NAALADL2: variants seen among roughly 807,000 people sequenced by gnomAD.
The protein encoded by NAALADL2 is N-acetylated alpha-linked acidic dipeptidase like 2.
In NAALADL2, 76 loss-of-function variants were observed where a neutral mutation model predicts 87.2. The observed-to-expected ratio is 0.87, with a 90% CI of 0.72 to 1.05. The LOEUF (loss-of-function observed/expected upper bound fraction) is 1.05. Ranked by LOEUF, NAALADL2 falls within the 50% of genes least tolerant of loss-of-function variation. The probability of loss-of-function intolerance (pLI) is 0.00; values close to 1 mark genes in which losing one functional copy is unlikely to be tolerated. For missense variants in NAALADL2, 1,089 were observed against 945.8 expected (o/e 1.15, Z -1.99); for synonymous variants, 354 against 331.0 (o/e 1.07, Z -0.75).
chr3:175,480,701 C>T (rs1156751290), intron 9 of NAALADL2, among the ~76,000 whole-genome samples: 2 of 151,738 alleles, frequency 1.3e-5, no homozygotes, highest in Non-Finnish European at 3.0e-5. Context: ...AATCAGATTT[C>T]AGTAATATTC....
At chr3:175,581,712 G>T (rs1196743860) in intron 10 of NAALADL2, among the ~76,000 whole-genome samples, 1 of 152,122 alleles carries the variant, frequency 6.6e-6, no homozygotes, top group African/African-American at 2.4e-5. Flanking sequence ...GAGTGAAAAT[G>T]AGAGTGAAAA....
rs1727675811 is a variant in NAALADL2 at position 174,870,399 on chromosome 3, T to C, written c.43+10949T>C. Among the ~76,000 whole-genome samples the C allele has an allele frequency of 2.0e-5, 3 of 152,100 alleles. No individual in the cohort carries two copies. In the South Asian group the frequency reaches 6.2e-4, roughly 32 times the overall value. ...GCATCCATATATACCACTGACCATA[T>C]AGTATGAATGTGGTATACCTATGAG... On this transcript the variant is annotated intron_variant, in intron 1 of 13. Transcript: ENST00000454872.
At chr3:175,290,634 T>C (rs1455453752) in intron 4 of NAALADL2, among the ~76,000 whole-genome samples, 2 of 152,170 alleles carry the variant, frequency 1.3e-5, no homozygotes, top group East Asian at 1.9e-4. Flanking sequence ...GTGTCTGAGG[T>C]TGCAATTTTT....
At position 175,181,713 on chromosome 3, in the gene NAALADL2, G is replaced by GTGTGTGTGTGTGTATATGCATATATA. The variant is rs1736526772; in HGVS notation, c.546-52213_546-52212insGTGTGTGTATATGCATATATATGTGT. Among the ~76,000 whole-genome samples the GTGTGTGTGTGTGTATATGCATATATA allele has an allele frequency of 3.0e-4, 11 of 37,052 alleles. 1 individual carries two copies. Among genetic ancestry groups the GTGTGTGTGTGTGTATATGCATATATA allele is most frequent in the East Asian group, 1.1e-3 (1 of 950 alleles). The allele number at this position is 37,052 out of a possible 152,430, so 24.3% of individuals were successfully genotyped here. On this transcript the variant is annotated intron_variant, in intron 2 of 13. Transcript: ENST00000454872. ...TATATATATATATATATGTGTGTGT[G>GTGTGTGTGTGTGTATATGCATATATA]TGTGTATATATATGTATATATGTGT... is the stretch of plus-strand genomic sequence containing the variant.
intron 2 of NAALADL2, among the ~76,000 whole-genome samples, chr3:174,734,315 C>T (rs547388469): frequency 6.6e-6 from 1 of 152,236 alleles, no homozygotes; most frequent in Admixed American, 6.5e-5. Context: ...TGTATCCATA[C>T]TAATGTGGTA....
At chr3:174,568,106 A>G (rs1714503970) in intron 2 of NAALADL2, among the ~76,000 whole-genome samples, 1 of 151,620 alleles carries the variant, frequency 6.6e-6, no homozygotes, top group African/African-American at 2.4e-5. Context: ...GCCACAGTTT[A>G]TTTCTTCTTT....
At chr3:175,041,468 A>G (rs1754067509) in intron 1 of NAALADL2, among the ~76,000 whole-genome samples, 1 of 152,142 alleles carries the variant, frequency 6.6e-6, no homozygotes, top group Admixed American at 6.5e-5. Context: ...GGATTTTCTT[A>G]AGATATTGAA....
intron 1 of NAALADL2, among the ~76,000 whole-genome samples, chr3:175,055,188 A>G (rs1406924207): frequency 6.6e-6 from 1 of 152,180 alleles, no homozygotes; most frequent in Non-Finnish European, 1.5e-5. Flanking sequence ...TTGTGCTTCC[A>G]AATCCTCCTG....
At chr3:174,545,039 C>G (rs968613302) in intron 1 of NAALADL2, among the ~76,000 whole-genome samples, 1 of 152,010 alleles carries the variant, frequency 6.6e-6, no homozygotes, top group Non-Finnish European at 1.5e-5. Context: ...TCATGCCTGA[C>G]TAATTTTTAA....
chr3:175,036,096 G>T (rs926611127), intron 1 of NAALADL2, among the ~76,000 whole-genome samples: 4 of 152,084 alleles, frequency 2.6e-5, no homozygotes, highest in Admixed American at 6.6e-5. Flanking sequence ...TTCATTTATG[G>T]TAAGATACAC....
Position 174,795,048 on chromosome 3 carries a change from A to G in NAALADL2, c.-9+57302A>G, listed in dbSNP as rs1261984512. On this transcript the variant is annotated intron_variant, in intron 3 of 3. Coordinates refer to the NAALADL2 transcript ENST00000434257. ...CTCTTGTTGCCCAGGCTGGAGTGCA[A>G]TGGCATGATCTCGGCACACCACAAC... 1.6e-4 allele frequency among the ~76,000 whole-genome samples: 20 copies of G among 128,266 alleles called. 1 individual carries two copies. In the Admixed American group the frequency reaches 1.9e-3, roughly 12 times the overall value. 84.1% of individuals were successfully genotyped at this position (128,266 alleles called of 152,430 possible).
intron 5 of NAALADL2, among the ~76,000 whole-genome samples, chr3:175,352,242 A>G (rs1324868002): frequency 1.3e-5 from 2 of 151,200 alleles, no homozygotes; most frequent in African/African-American, 4.9e-5. Flanking sequence ...TTAAACTTTC[A>G]TTGGCAAAGG....
intron 9 of NAALADL2, among the ~76,000 whole-genome samples, chr3:175,541,588 T>C (rs893283620): frequency 3.9e-5 from 6 of 152,216 alleles, no homozygotes; most frequent in Admixed American, 2.6e-4. Flanking sequence ...CATCATAAAG[T>C]TGAAAAATTG....
chr3:175,523,518 T>G (rs980436968), intron 9 of NAALADL2, among the ~76,000 whole-genome samples: 13 of 152,214 alleles, frequency 8.5e-5, no homozygotes, highest in African/African-American at 2.9e-4. Context: ...AAATAAAGTT[T>G]TGGTGCCGCA....
Position 175,810,099 on chromosome 3 carries a change from T to C in NAALADL2, c.*6896T>C, listed in dbSNP as rs1755056334. 6.7e-6 allele frequency: 1 copy of C among 149,614 alleles called. No homozygotes were observed. Among genetic ancestry groups the C allele is most frequent in the South Asian group, 2.2e-4 (1 of 4,546 alleles). 9.3% of individuals were successfully genotyped at this position (149,614 alleles called of 1,614,324 possible). On this transcript the variant is annotated 3_prime_UTR_variant, in exon 14 of 14. Transcript: ENST00000454872. Reference sequence around the variant, plus strand: ...TTGTACAGAGATTTCATTGTCATTGTCGTTGTTGTTAACTGATTTTTAATG... The same window carrying C: ...TTGTACAGAGATTTCATTGTCATTGCCGTTGTTGTTAACTGATTTTTAATG...
intron 1 of NAALADL2, among the ~76,000 whole-genome samples, chr3:175,092,382 C>G (rs1043437393): frequency 1.3e-5 from 2 of 151,778 alleles, no homozygotes; most frequent in Non-Finnish European, 2.9e-5. Context: ...CTCATTATGA[C>G]TGCTGAACAA....
chr3:174,491,535 C>T (rs1287988311), intron 1 of NAALADL2, among the ~76,000 whole-genome samples: 2 of 152,240 alleles, frequency 1.3e-5, no homozygotes, highest in East Asian at 1.9e-4. Flanking sequence ...CCATTGTCAA[C>T]TCTATGTTTA....
Position 174,534,509 on chromosome 3 carries a change from T to C in NAALADL2, c.-183-16060T>C, listed in dbSNP as rs553108450. Among the ~76,000 whole-genome samples the C allele has an allele frequency of 3.3e-5, 5 of 152,342 alleles. No homozygotes were observed. In the East Asian group the frequency reaches 9.6e-4, roughly 29 times the overall value. ...ATCCTCACGATGTTGGCTTTGGCCT[T>C]AGACTAACTTCCTCCCTGCTCCCAA... On this transcript the variant is annotated intron_variant, in intron 1 of 3. Transcript: ENST00000434257.
At chr3:174,467,234 T>C (rs866051223) in intron 1 of NAALADL2, among the ~76,000 whole-genome samples, 1 of 152,218 alleles carries the variant, frequency 6.6e-6, no homozygotes, top group Non-Finnish European at 1.5e-5. Flanking sequence ...TTTCAGCAGA[T>C]ATTTTTATAT....
Sources: allele counts gnomAD v4.1 joint callset (sites outside exome capture counted in the v4.1 genomes callset), GRCh38; gene constraint gnomAD v4.1.1; transcripts MANE v1.5; gene names NCBI Gene and HGNC (gene_info 2026-07-23, HGNC 2026-07-21).